Variants in LRP12 observed in about 807,000 individuals in gnomAD.
LRP12 encodes LDL receptor related protein 12, also known as low-density lipoprotein receptor-related protein 12.
In LRP12, 14 loss-of-function variants were observed where a neutral mutation model predicts 66.0. The observed-to-expected ratio is 0.21, with a 90% CI of 0.14 to 0.33. The LOEUF is 0.33. Among genes scored for constraint, LRP12 ranks in the 10% least tolerant of loss-of-function variants. The pLI is 1.00. For synonymous variants in LRP12, 357 were observed against 359.1 expected, an observed-to-expected ratio of 0.99 and a Z score of 0.07; for missense variants, 889 against 1,053.4, an observed-to-expected ratio of 0.84 and a Z score of 2.16.
At chr8:104,547,220 CTGT>C (rs1811584535) in intron 1 of LRP12, among the ~76,000 whole-genome samples, 1 of 134,934 alleles carries the variant, frequency 7.4e-6, no homozygotes, top group African/African-American at 2.8e-5. Context: ...ATATACAATT[CTGT>C]TATATTTTGT....
intron 1 of LRP12, among the ~76,000 whole-genome samples, chr8:104,578,866 G>A (rs900359167): frequency 1.3e-5 from 2 of 152,068 alleles, no homozygotes; most frequent in Admixed American, 6.6e-5. Context: ...GGCTTTTGAT[G>A]AAACTCCACA....
intron 1 of LRP12, among the ~76,000 whole-genome samples, chr8:104,568,221 C>CA (rs1198399820): frequency 6.6e-6 from 1 of 151,988 alleles, no homozygotes; most frequent in Admixed American, 6.6e-5. Context: ...AAACCATGTG[C>CA]AAAAGAATGA....
In LRP12 at chr8:104,588,049, C is replaced by T. The variant is rs148811710; in HGVS notation, c.79+770G>A. ...AGCTGTCCGCACAGTCTTCAGCCTT[C>T]TCTTAACCCGAAAGGAGTTATCTCT... On this transcript the variant is annotated intron_variant, in intron 1 of 6. Transcript: ENST00000276654. 4.0e-3 allele frequency among the ~76,000 whole-genome samples: 612 copies of T among 152,362 alleles called. 3 individuals are homozygous for T. The highest frequency in any genetic ancestry group is 6.4e-3 in the Non-Finnish European group (434 of 68,032).
chr8:104,540,476 A>G (rs1268853856), intron 1 of LRP12, among the ~76,000 whole-genome samples: 7 of 152,200 alleles, frequency 4.6e-5, no homozygotes, highest in African/African-American at 1.7e-4. Context: ...GAAAGGCTCC[A>G]TAATGTCTAA....
chr8:104,518,557 T>G (rs1811104714), intron 2 of LRP12, among the ~76,000 whole-genome samples: 1 of 152,050 alleles, frequency 6.6e-6, no homozygotes, highest in African/African-American at 2.4e-5. Context: ...AATGAACTAT[T>G]GGTCCTACAT....
intron 2 of LRP12, among the ~76,000 whole-genome samples, chr8:104,511,216 G>C (rs886458075): frequency 5.9e-5 from 9 of 151,504 alleles, no homozygotes; most frequent in African/African-American, 1.9e-4. Context: ...GCTAATTTTT[G>C]TATTTTTAGT....
chr8:104,529,021 T>G (rs1355401176), intron 2 of LRP12, among the ~76,000 whole-genome samples: 2 of 152,228 alleles, frequency 1.3e-5, no homozygotes, highest in Admixed American at 1.3e-4. Flanking sequence ...AACACACATT[T>G]TGTTATGGCC....
At chr8:104,527,392 C>T (rs1811254939) in intron 2 of LRP12, among the ~76,000 whole-genome samples, 1 of 151,002 alleles carries the variant, frequency 6.6e-6, no homozygotes, top group African/African-American at 2.5e-5. Flanking sequence ...CCTATGTTTA[C>T]TGCGGCACTA....
intron 1 of LRP12, among the ~76,000 whole-genome samples, chr8:104,579,543 G>C (rs1246019779): frequency 6.6e-6 from 1 of 152,088 alleles, no homozygotes; most frequent in Non-Finnish European, 1.5e-5. Context: ...CCTATTAAAT[G>C]ACCATTGACA....
intron 1 of LRP12, among the ~76,000 whole-genome samples, chr8:104,588,542 G>A (rs1056033510): frequency 2.0e-5 from 3 of 152,098 alleles, no homozygotes; most frequent in African/African-American, 7.2e-5. Flanking sequence ...CCCAGGTCGG[G>A]AAGTCCGCCC....
intron 1 of LRP12, among the ~76,000 whole-genome samples, chr8:104,564,442 C>T (rs1588506754): frequency 1.3e-5 from 2 of 151,960 alleles, no homozygotes; most frequent in Non-Finnish European, 2.9e-5. Context: ...TAGAATCGCG[C>T]ATTATGTACA....
chr8:104,517,668 G>A (rs934471702), intron 2 of LRP12, among the ~76,000 whole-genome samples: 10 of 152,026 alleles, frequency 6.6e-5, no homozygotes, highest in Non-Finnish European at 1.2e-4. Flanking sequence ...TATAGGTAAC[G>A]GTGGTTAGTG....
chr8:104,539,480 T>C (rs1319421478), intron 1 of LRP12, among the ~76,000 whole-genome samples: 1 of 151,220 alleles, frequency 6.6e-6, no homozygotes, highest in East Asian at 1.9e-4. Flanking sequence ...AAATTATCCA[T>C]AGGAAATTTT....
rs746513212 is a variant in LRP12 at position 104,541,850 on chromosome 8, T to C, written c.80-9887A>G. On this transcript the variant is annotated intron_variant, in intron 1 of 6. Transcript: ENST00000276654. ...TGACTCAGTACTTCATTTGTTTTTA[T>C]GGCTGAATAATATTCCATTATCTGG... Among the ~76,000 whole-genome samples, 7 of 152,222 alleles carry C rather than the reference T, an allele frequency of 4.6e-5. 1 individual carries two copies. The highest frequency in any genetic ancestry group is 1.0e-4 in the Non-Finnish European group (7 of 68,030).
chr8:104,547,955 A>G (rs1811623137), intron 1 of LRP12, among the ~76,000 whole-genome samples: 1 of 126,540 alleles, frequency 7.9e-6, no homozygotes, highest in Non-Finnish European at 1.6e-5. Flanking sequence ...TTTTGTATAT[A>G]CCATTGTTAT....
intron 1 of LRP12, among the ~76,000 whole-genome samples, chr8:104,567,446 C>T (rs147704605): frequency 4.6e-4 from 70 of 152,224 alleles, no homozygotes; most frequent in Non-Finnish European, 6.8e-4. Context: ...TGACCTCCCC[C>T]GGGTACCTCC....
In LRP12 at chr8:104,542,994, A is replaced by AATATATATATATATATATATAT. The variant is rs149279085; in HGVS notation, c.80-11032_80-11031insATATATATATATATATATATAT. Among the ~76,000 whole-genome samples the AATATATATATATATATATATAT allele has an allele frequency of 2.8e-4, 40 of 144,124 alleles. No homozygotes were observed. The South Asian group carries it at 4.4e-3, about 16-fold the overall frequency. 94.6% of individuals were successfully genotyped at this position (144,124 alleles called of 152,430 possible). A position where few individuals can be genotyped will look rare whatever the true frequency, so the allele number is the denominator to read the frequency against. On this transcript the variant is annotated intron_variant, in intron 1 of 6. Transcript: ENST00000276654. ...TGCGTGTGTTTATAGAACACACACAAATATATATATATATATATAAATATA... is the reference window on the plus strand; with the variant it reads ...TGCGTGTGTTTATAGAACACACACAAATATATATATATATATATATATATATATATATATATATATAAATATA...
intron 1 of LRP12, among the ~76,000 whole-genome samples, chr8:104,542,759 C>A (rs1811497540): frequency 1.3e-5 from 2 of 151,908 alleles, no homozygotes; most frequent in East Asian, 1.9e-4. Flanking sequence ...TGTATTCTTA[C>A]AATAAAGTTA....
At chr8:104,512,614 A>T (rs1014580914) in intron 2 of LRP12, among the ~76,000 whole-genome samples, 1 of 152,184 alleles carries the variant, frequency 6.6e-6, no homozygotes, top group African/African-American at 2.4e-5. Flanking sequence ...AATCTAGGAC[A>T]AAGAACATTC....
Sources: gnomAD v4.1 joint callset for allele counts (sites outside exome capture counted in the v4.1 genomes callset) on GRCh38, gnomAD v4.1.1 for gene constraint, MANE v1.5 for transcripts, NCBI Gene and HGNC (gene_info 2026-07-23, HGNC 2026-07-21) for gene names.